GRIA1: variants seen among roughly 807,000 people sequenced by gnomAD.
GRIA1 encodes the protein glutamate receptor 1.
A neutral mutation model predicts 99.2 loss-of-function variants in GRIA1; 31 were observed. The observed-to-expected ratio is 0.31, with a 90% confidence interval of 0.23 to 0.42. The LOEUF (loss-of-function observed/expected upper bound fraction) is 0.42. GRIA1 is among the 10% of genes least tolerant of loss of function. GRIA1 has a pLI of 1.00. For missense variants in GRIA1, 782 were observed against 1,157.5 expected (o/e 0.68, Z 4.71); for synonymous variants, 438 against 432.4 (o/e 1.01, Z -0.16).
intron 2 of GRIA1, among the ~76,000 whole-genome samples, chr5:153,513,475 GA>G (rs1371204055): frequency 6.6e-6 from 1 of 152,138 alleles, no homozygotes; most frequent in Non-Finnish European, 1.5e-5. Flanking sequence ...TGTTTCTCAG[GA>G]AAAAGGCTTG....
At chr5:153,778,039 T>A (rs527510246) in intron 13 of GRIA1, among the ~76,000 whole-genome samples, 1 of 151,732 alleles carries the variant, frequency 6.6e-6, no homozygotes, top group African/African-American at 2.4e-5. Flanking sequence ...TTTATTTGCA[T>A]CCTCAGAAGA....
At chr5:153,631,535 G>A (rs781396747) in intron 2 of GRIA1, among the ~76,000 whole-genome samples, 16 of 152,110 alleles carry the variant, frequency 1.1e-4, no homozygotes, top group Admixed American at 2.0e-4. Context: ...AAAGGCTATC[G>A]GATGAATCAC....
chr5:153,553,489 G>T (rs1207090893), intron 2 of GRIA1, among the ~76,000 whole-genome samples: 1 of 152,132 alleles, frequency 6.6e-6, no homozygotes, highest in Admixed American at 6.6e-5. Context: ...CTCTGACTTG[G>T]GGTTTTATGT....
intron 5 of GRIA1, among the ~76,000 whole-genome samples, chr5:153,674,186 T>A (rs1756401235): frequency 6.6e-6 from 1 of 152,266 alleles, no homozygotes; most frequent in African/African-American, 2.4e-5. Flanking sequence ...TTGCATTGTA[T>A]GTTTACCCCA....
At chr5:153,705,143 TG>T (rs1758798670) in intron 10 of GRIA1, among the ~76,000 whole-genome samples, 1 of 152,236 alleles carries the variant, frequency 6.6e-6, no homozygotes, top group Admixed American at 6.5e-5. Flanking sequence ...GGGTAAGCCC[TG>T]AATTTACAGT....
At chr5:153,595,756 A>C (rs1018545150) in intron 2 of GRIA1, among the ~76,000 whole-genome samples, 1 of 148,056 alleles carries the variant, frequency 6.8e-6, no homozygotes, top group Non-Finnish European at 1.5e-5. Context: ...TAATATATAT[A>C]TAATTAATAT....
chr5:153,570,695 C>T (rs1762035818), intron 2 of GRIA1, among the ~76,000 whole-genome samples: 2 of 152,114 alleles, frequency 1.3e-5, no homozygotes, highest in African/African-American at 2.4e-5. Flanking sequence ...CTCCAAGCCT[C>T]GGTTTTCTCA....
At chr5:153,671,827 T>C (rs113182617) in intron 5 of GRIA1, among the ~76,000 whole-genome samples, 18 of 152,300 alleles carry the variant, frequency 1.2e-4, no homozygotes, top group African/African-American at 4.3e-4. Flanking sequence ...AGGTTCCTGC[T>C]CTTAGGAAAC....
At chr5:153,708,973 A>T (rs1230484088) in intron 11 of GRIA1, among the ~76,000 whole-genome samples, 1 of 152,204 alleles carries the variant, frequency 6.6e-6, no homozygotes, top group Non-Finnish European at 1.5e-5. Flanking sequence ...GAGCCTGTAA[A>T]ATCTCCCTTG....
intron 13 of GRIA1, among the ~76,000 whole-genome samples, chr5:153,778,192 A>AGTGTGTGT (rs61414750): frequency 1.3e-4 from 5 of 37,308 alleles, no homozygotes; most frequent in Middle Eastern, 0.012. Context: ...AGAGAGAGAG[A>AGTGTGTGT]GTGTGTGTGT....
chr5:153,575,134 C>T (rs543904119), intron 2 of GRIA1, among the ~76,000 whole-genome samples: 3 of 151,962 alleles, frequency 2.0e-5, no homozygotes, highest in Non-Finnish European at 4.4e-5. Flanking sequence ...CTGCAATGGT[C>T]TCTTGGTCTC....
At chr5:153,567,956 G>T (rs1405346306) in intron 2 of GRIA1, among the ~76,000 whole-genome samples, 2 of 152,132 alleles carry the variant, frequency 1.3e-5, no homozygotes, top group Non-Finnish European at 2.9e-5. Context: ...AGGGATAAAT[G>T]GGTGCTCTCA....
At chr5:153,587,792 T>C (rs1278192053) in intron 2 of GRIA1, among the ~76,000 whole-genome samples, 2 of 152,226 alleles carry the variant, frequency 1.3e-5, no homozygotes, top group African/African-American at 4.8e-5. Context: ...ACATGACTCC[T>C]ACACTCACAG....
At chr5:153,524,837 A>G (rs969480330) in intron 2 of GRIA1, among the ~76,000 whole-genome samples, 21 of 152,350 alleles carry the variant, frequency 1.4e-4, no homozygotes, top group Admixed American at 2.0e-4. Flanking sequence ...CCTGTAATAT[A>G]GTAAGATCCT....
At chr5:153,549,138 C>T (rs1759883609) in intron 2 of GRIA1, among the ~76,000 whole-genome samples, 1 of 152,140 alleles carries the variant, frequency 6.6e-6, no homozygotes, top group African/African-American at 2.4e-5. Flanking sequence ...TGAGCTCCCC[C>T]TCCTTTCAAC....
intron 7 of GRIA1, among the ~76,000 whole-genome samples, chr5:153,680,186 G>GC (rs777722457): frequency 1.3e-5 from 2 of 152,014 alleles, no homozygotes; most frequent in African/African-American, 2.4e-5. Context: ...CTATGGCCCA[G>GC]CCCCCAGCAG....
intron 13 of GRIA1, among the ~76,000 whole-genome samples, chr5:153,777,478 G>A (rs536913890): frequency 6.6e-6 from 1 of 152,054 alleles, no homozygotes; most frequent in Non-Finnish European, 1.5e-5. Context: ...TGAAAAATTG[G>A]AATAATAATT....
intron 11 of GRIA1, among the ~76,000 whole-genome samples, chr5:153,723,812 G>T (rs1305946858): frequency 6.6e-6 from 1 of 151,870 alleles, no homozygotes; most frequent in African/African-American, 2.4e-5. Context: ...ACCTCTGGGG[G>T]CAGGGCACAG....
intron 14 of GRIA1, among the ~76,000 whole-genome samples, chr5:153,801,733 C>A (rs1431704136): frequency 6.6e-6 from 1 of 152,104 alleles, no homozygotes; most frequent in Non-Finnish European, 1.5e-5. Flanking sequence ...CTATTCTAAG[C>A]CCCCTAGTTT....
Sources: allele counts gnomAD v4.1 joint callset (sites outside exome capture counted in the v4.1 genomes callset), GRCh38; gene constraint gnomAD v4.1.1; transcripts MANE v1.5; gene names NCBI Gene and HGNC (gene_info 2026-07-23, HGNC 2026-07-21).